The following PCDH15 variants were observed in gnomAD, a reference collection of about 807,000 sequenced individuals.
PCDH15 encodes protocadherin-15.
Under a neutral mutation model 178.5 loss-of-function variants are expected in PCDH15, and 129 were observed. The ratio of observed to expected loss-of-function variants is 0.72; its 90% confidence interval spans 0.63 to 0.84. The LOEUF (loss-of-function observed/expected upper bound fraction) is 0.84. PCDH15 is among the 40% of genes least tolerant of loss of function. The pLI, the probability that PCDH15 is intolerant of heterozygous loss-of-function variation, is 0.00. For synonymous variants in PCDH15, 800 were observed against 732.0 expected, an observed-to-expected ratio of 1.09 and a Z score of -1.50; for missense variants, 2,230 against 2,099.9, an observed-to-expected ratio of 1.06 and a Z score of -1.21.
intron 17 of PCDH15, among the ~76,000 whole-genome samples, chr10:54,067,964 T>TA (rs761612027): frequency 2.1e-5 from 3 of 143,246 alleles, no homozygotes; most frequent in Non-Finnish European, 4.7e-5. Flanking sequence ...TGATTTTTTT[T>TA]ATTTTTTATT....
At chr10:54,927,247 A>C (rs537250759) in intron 2 of PCDH15, among the ~76,000 whole-genome samples, 2 of 152,218 alleles carry the variant, frequency 1.3e-5, no homozygotes, top group African/African-American at 4.8e-5. Flanking sequence ...TATGGTTTTC[A>C]GGAAATATCT....
At chr10:53,858,568 G>A (rs1010617336) in intron 27 of PCDH15, among the ~76,000 whole-genome samples, 3 of 152,144 alleles carry the variant, frequency 2.0e-5, no homozygotes, top group African/African-American at 7.2e-5. Flanking sequence ...TAAAATGTTT[G>A]CAACTAGTTA....
intron 2 of PCDH15, among the ~76,000 whole-genome samples, chr10:55,107,475 T>A (rs940557078): frequency 2.0e-5 from 3 of 150,666 alleles, no homozygotes; most frequent in Non-Finnish European, 4.4e-5. Context: ...AATTACTGTA[T>A]TCTCTTTCCT....
chr10:55,292,465 T>C (rs568533826), intron 1 of PCDH15, among the ~76,000 whole-genome samples: 136 of 152,248 alleles, frequency 8.9e-4, no homozygotes, highest in African/African-American at 2.8e-3. Flanking sequence ...CACTGCTACC[T>C]CCATCTCCCG....
intron 2 of PCDH15, chr10:54,585,572 T>C: frequency 4.4e-6 from 1 of 227,724 alleles, no homozygotes; most frequent in African/African-American, 2.3e-5. Context: ...AACAAATAAT[T>C]CATTCATTTC....
intron 3 of PCDH15, among the ~76,000 whole-genome samples, chr10:54,442,275 G>A (rs931365731): frequency 3.3e-5 from 5 of 149,656 alleles, no homozygotes; most frequent in Admixed American, 6.7e-5. Flanking sequence ...TTGGACTTGG[G>A]ATCTCAGAAA....
At chr10:54,031,083 G>A (rs1052244132) in intron 18 of PCDH15, among the ~76,000 whole-genome samples, 3 of 151,914 alleles carry the variant, frequency 2.0e-5, no homozygotes, top group East Asian at 3.9e-4. Flanking sequence ...CTGCTTCATC[G>A]TTGAAGGCAA....
At chr10:55,226,140 TA>T (rs1841031387) in intron 1 of PCDH15, among the ~76,000 whole-genome samples, 3 of 152,074 alleles carry the variant, frequency 2.0e-5, no homozygotes, top group Admixed American at 2.0e-4. Flanking sequence ...AAACAGTTTC[TA>T]ATCAGCTTTT....
intron 37 of PCDH15, chr10:53,808,111 TA>T (rs1263510199): frequency 6.6e-6 from 1 of 152,194 alleles, no homozygotes; most frequent in Non-Finnish European, 1.5e-5. Context: ...TAATAACTTT[TA>T]ATTAATTGAA....
At chr10:53,832,816 C>T (rs1343649446) in intron 29 of PCDH15, among the ~76,000 whole-genome samples, 9 of 151,848 alleles carry the variant, frequency 5.9e-5, no homozygotes, top group Non-Finnish European at 1.3e-4. Context: ...TTTTAAATCC[C>T]GTTAACACAC....
intron 20 of PCDH15, among the ~76,000 whole-genome samples, chr10:54,009,838 C>T (rs1210481541): frequency 6.6e-6 from 1 of 152,172 alleles, no homozygotes; most frequent in African/African-American, 2.4e-5. Flanking sequence ...TCCAGGCTGA[C>T]ACGGAGAACC....
chr10:54,988,006 A>G (rs1374749384), intron 2 of PCDH15, among the ~76,000 whole-genome samples: 1 of 152,058 alleles, frequency 6.6e-6, no homozygotes, highest in Non-Finnish European at 1.5e-5. Context: ...GTTTTACATT[A>G]CAATTTTTAA....
At chr10:55,458,058 T>C (rs1301052769) in intron 2 of PCDH15, among the ~76,000 whole-genome samples, 1 of 152,034 alleles carries the variant, frequency 6.6e-6, no homozygotes, top group Non-Finnish European at 1.5e-5. Flanking sequence ...TATTAGATAA[T>C]ATATATTTGG....
chr10:55,356,890 C>A (rs1462626005), intron 2 of PCDH15, among the ~76,000 whole-genome samples: 4 of 151,858 alleles, frequency 2.6e-5, no homozygotes, highest in Admixed American at 2.6e-4. Flanking sequence ...TAGTTTTTGG[C>A]CTTTGCTATG....
At chr10:54,816,718 CT>C (rs981233555) in intron 3 of PCDH15, among the ~76,000 whole-genome samples, 1 of 152,074 alleles carries the variant, frequency 6.6e-6, no homozygotes, top group Non-Finnish European at 1.5e-5. Context: ...AGCAGACCTG[CT>C]GTAGGCCCAA....
rs142000109 is a variant in PCDH15 at position 55,535,775 on chromosome 10, T to C, written c.-156+91850A>G. ...ACTCTTTTTGCCTTATTTTAAAAGT[T>C]TGGATAATCTTTCTTAACACTTCAT... is the stretch of plus-strand genomic sequence containing the variant. On this transcript the variant is annotated intron_variant, in intron 2 of 5. Transcript: ENST00000613346. 2.0e-3 allele frequency among the ~76,000 whole-genome samples: 306 copies of C among 152,144 alleles called. 1 individual carries two copies. Among genetic ancestry groups the C allele is most frequent in the African/African-American group, 7.2e-3 (298 of 41,562 alleles).
chr10:54,138,247 GGT>G (rs145602311), intron 14 of PCDH15, among the ~76,000 whole-genome samples: 1 of 151,468 alleles, frequency 6.6e-6, no homozygotes, highest in East Asian at 1.9e-4. Flanking sequence ...GTAATTGTGA[GGT>G]GTGTGTGTGT....
intron 32 of PCDH15, chr10:53,822,909 T>C (rs2076395235): frequency 6.2e-7 from 1 of 1,614,162 alleles, no homozygotes; most frequent in Non-Finnish European, 8.5e-7. Flanking sequence ...ATTTTCAGCT[T>C]TCTGCCTGGT....
intron 2 of PCDH15, among the ~76,000 whole-genome samples, chr10:55,028,950 T>C (rs990651028): frequency 2.7e-5 from 4 of 147,898 alleles, no homozygotes; most frequent in African/African-American, 9.9e-5. Flanking sequence ...GTGAAAACAT[T>C]TACTTAACCA....
Sources: gnomAD v4.1 joint callset for allele counts (sites outside exome capture counted in the v4.1 genomes callset) on GRCh38, gnomAD v4.1.1 for gene constraint, MANE v1.5 for transcripts, NCBI Gene and HGNC (gene_info 2026-07-23, HGNC 2026-07-21) for gene names.